KMT2D: variants seen among roughly 807,000 people sequenced by gnomAD.
The protein encoded by KMT2D is histone-lysine N-methyltransferase 2D.
Under a neutral mutation model 512.7 loss-of-function variants are expected in KMT2D, and 55 were observed. The ratio of observed to expected loss-of-function variants is 0.11; its 90% CI spans 0.09 to 0.13. The LOEUF (loss-of-function observed/expected upper bound fraction) is 0.13, where lower values mean the gene tolerates loss of function less well. Among genes scored for constraint, KMT2D ranks in the 10% least tolerant of loss-of-function variants. The pLI is 1.00. For synonymous variants in KMT2D, 2,995 were observed against 2,904.0 expected (o/e 1.03, Z -1.01); for missense variants, 6,061 against 7,127.9 (o/e 0.85, Z 5.39).
chr12:49,029,677 GTTTT>G (rs33963995), intron 43 of KMT2D, among the ~76,000 whole-genome samples: 3 of 132,098 alleles, frequency 2.3e-5, no homozygotes, highest in East Asian at 2.2e-4. Flanking sequence ...TGTTTTTTTT[GTTTT>G]TTTTTTTTTT....
At chr12:49,023,944 GAAGT>G in intron 51 of KMT2D, 2 of 400,342 alleles carry the variant, frequency 5.0e-6, no homozygotes, top group South Asian at 3.6e-5. Context: ...CTGCAGTGAA[GAAGT>G]AAGGGTCTGG....
rs777207269 is a variant in KMT2D, at chr12:49,051,619, G to A, written c.2064C>T (p.Arg688=). 3.8e-6 allele frequency: 6 copies of A among 1,577,382 alleles called. No individual in the cohort carries two copies. In the African/African-American group the frequency reaches 8.2e-5, roughly 21 times the overall value. ...SPTSPPPEAS[R]LSPPPEDSPT... is the part of the protein sequence containing the mutation. ...GGGAGTCCTCAGGTGGTGGGGAGAGGCGTGAAGCCTCAGGTGGAGGGGACG... is the reference window on the plus strand; with the variant it reads ...GGGAGTCCTCAGGTGGTGGGGAGAGACGTGAAGCCTCAGGTGGAGGGGACG... The change falls in exon 11 of 55, where the codon CGC becomes CGT. Residue 688 remains arginine, a synonymous_variant. Coordinates refer to ENST00000301067, the MANE Select transcript of KMT2D (RefSeq NM_003482.4).
rs1296409905 is a variant in KMT2D, at chr12:49,024,959, G to T, written c.15785-13C>A. On this transcript the variant is annotated splice_polypyrimidine_tract_variant and intron_variant, in intron 49 of 54. Transcript: ENST00000301067. This position sits in a 1 kb window ranked among gnomAD's most constrained non-coding sequence, Gnocchi z 4.5. ...CGATTCCACACGGCTAAGAAGCAGGGAAGAGAGCAGTCCTCAGAGGCAACT... is the reference window on the plus strand; with the variant it reads ...CGATTCCACACGGCTAAGAAGCAGGTAAGAGAGCAGTCCTCAGAGGCAACT... The T allele has an allele frequency of 1.3e-6, 2 of 1,582,904 alleles. No homozygotes were observed. Among genetic ancestry groups the T allele is most frequent in the Non-Finnish European group, 1.7e-6 (2 of 1,164,414 alleles).
chr12:49,027,063 GGGGGCCGGGCAC>G lies in KMT2D; in HGVS notation c.14891_14902del (p.Arg4964_Pro4967del). On this transcript the variant is annotated inframe_deletion, in exon 49 of 55. Coordinates refer to ENST00000301067, the MANE Select transcript of KMT2D (RefSeq NM_003482.4). ...AGGACGGGAATCTTCACCTTCTTCA[GGGGGCCGGGCAC>G]GGGGCTTGGGTCGGGCTGATTCAGG... 1.9e-6 allele frequency: 3 copies of G among 1,613,754 alleles called. No homozygotes were observed. The highest frequency in any genetic ancestry group is 2.5e-6 in the Non-Finnish European group (3 of 1,179,732).
At position 49,030,441 on chromosome 12, in the gene KMT2D, TGAGGGGTGGGGG is replaced by T; in HGVS notation, c.13840-14_13840-3del. On this transcript the variant is annotated splice_polypyrimidine_tract_variant and splice_region_variant and intron_variant, in intron 42 of 54. Transcript: ENST00000301067. ...TGTCGGCGGGTTACTCAGGTTATTC[TGAGGGGTGGGGG>T]GTGGGGTGTTGTGTGCAAGATGGCA... is the stretch of plus-strand genomic sequence containing the variant. 4 of 645,958 alleles carry T rather than the reference TGAGGGGTGGGGG, an allele frequency of 6.2e-6. No individual in the cohort carries two copies. Among genetic ancestry groups the T allele is most frequent in the Non-Finnish European group, 8.5e-6 (4 of 470,124 alleles). 40.0% of individuals were successfully genotyped at this position (645,958 alleles called of 1,614,324 possible).
In KMT2D at chr12:49,041,777, T is replaced by C; in HGVS notation, c.6184-72A>G. On this transcript the variant is annotated intron_variant, in intron 30 of 54. Coordinates refer to ENST00000301067, the MANE Select transcript of KMT2D (RefSeq NM_003482.4). This position sits in a 1 kb window ranked among gnomAD's most constrained non-coding sequence, Gnocchi z 5.4. ...GCCCCGCCCCCATACTGTAGTGTTT[T>C]CACACTCCCTACCCAGAAGCAGATC... 1 of 1,544,982 alleles carries C rather than the reference T, an allele frequency of 6.5e-7. No individual in the cohort carries two copies. Among genetic ancestry groups the C allele is most frequent in the East Asian group, 2.4e-5 (1 of 41,966 alleles).
At position 49,051,714 on chromosome 12, in the gene KMT2D, G is replaced by T; in HGVS notation, c.1969C>A (p.Pro657Thr). The T allele has an allele frequency of 6.5e-7, 1 of 1,543,872 alleles. No individual in the cohort carries two copies. The highest frequency in any genetic ancestry group is 8.8e-7 in the Non-Finnish European group (1 of 1,136,290). ...PPEVSRLSPL[P>T]VVSRLSPPPE... ...GGTGGAGACAGGCGTGACACCACAGGCAGGGGGGATAGGCGCGATACCTCA... is the reference window on the plus strand; with the variant it reads ...GGTGGAGACAGGCGTGACACCACAGTCAGGGGGGATAGGCGCGATACCTCA... The change falls in exon 11 of 55, where the codon CCT becomes ACT. Residue 657 changes from proline to threonine, a missense_variant. By Grantham distance (38) the Pro-to-Thr change is conservative. Transcript: ENST00000301067.
rs2120666800 is a variant in KMT2D at position 49,051,265 on chromosome 12, C to T, written c.2418G>A (p.Leu806=). Residue 806 remains leucine, a synonymous_variant, in exon 11 of 55, where the codon CTG becomes CTA. Transcript: ENST00000301067. ...GGTGCGGCTCCTCAGTCTGGGGGGA[C>T]AGGTGCAATTCCTCAGGCTGAGGGG... ...HLSPQPEELH[L]SPQTEEPHLS... The T allele has an allele frequency of 6.5e-7, 1 of 1,540,724 alleles. No homozygotes were observed.
At position 49,050,126 on chromosome 12, in the gene KMT2D, G is replaced by A. The variant is rs1403907718; in HGVS notation, c.3462C>T (p.Leu1154=). The A allele has an allele frequency of 1.9e-6, 3 of 1,613,378 alleles. No homozygotes were observed. The highest frequency in any genetic ancestry group is 2.5e-6 in the Non-Finnish European group (3 of 1,179,738). ...LASELKGSPV[L]LDPEELAPVT... ...CAGGGGCCAGCTCCTCGGGGTCCAG[G>A]AGCACAGGGGAGCCTTTAAGTTCAC... is the stretch of plus-strand genomic sequence containing the variant. Residue 1154 remains leucine (L), a synonymous_variant, in exon 12 of 55, where the codon CTC becomes CTT. Coordinates refer to ENST00000301067, the MANE Select transcript of KMT2D (RefSeq NM_003482.4).
At position 49,055,858 on chromosome 12, in the gene KMT2D, A is replaced by T. The variant is rs558189975; in HGVS notation, c.-37-497T>A. ...CCAGAGGCAGAGTCTGAGGCACTGCAAGAGATGTAACACACTACTGGAACT... is the reference window on the plus strand; with the variant it reads ...CCAGAGGCAGAGTCTGAGGCACTGCTAGAGATGTAACACACTACTGGAACT... On this transcript the variant is annotated intron_variant, in intron 1 of 54. Transcript: ENST00000301067. Among the ~76,000 whole-genome samples the T allele has an allele frequency of 5.3e-4, 80 of 152,332 alleles. 1 individual carries two copies. The highest frequency in any genetic ancestry group is 6.2e-4 in the South Asian group (3 of 4,830).
rs533209821 is a variant in KMT2D, at chr12:49,056,243, C to A, written c.-37-882G>T. Among the ~76,000 whole-genome samples the A allele has an allele frequency of 1.6e-4, 24 of 152,312 alleles. No homozygotes were observed. In the South Asian group the frequency reaches 1.9e-3, roughly 12 times the overall value. ...CTAAACAGGGCAGGACATAGCACAG[C>A]ACAGCGGAGTAGCTTCCTTCCTCTT... On this transcript the variant is annotated intron_variant, in intron 1 of 54. Coordinates refer to ENST00000301067, the MANE Select transcript of KMT2D (RefSeq NM_003482.4).
Position 49,051,626 on chromosome 12 carries a change from GCCTCAGGTGGAGGGGACGTGGGAGACT to G in KMT2D, c.2030_2056del (p.Glu677_Glu685del). On this transcript the variant is annotated inframe_deletion, in exon 11 of 55. Transcript: ENST00000301067. ...CTCAGGTGGTGGGGAGAGGCGTGAA[GCCTCAGGTGGAGGGGACGTGGGAGACT>G]CCTCAGGCGGTGGGGACAAGGGAGA... 1 of 1,570,416 alleles carries G rather than the reference GCCTCAGGTGGAGGGGACGTGGGAGACT, an allele frequency of 6.4e-7. No homozygotes were observed.
chr12:49,023,123 G>A (rs1223890047), intron 51 of KMT2D, among the ~76,000 whole-genome samples: 1 of 152,020 alleles, frequency 6.6e-6, no homozygotes, highest in Non-Finnish European at 1.5e-5. Context: ...TGAGGGGTGG[G>A]GTGTGGAGGG....
In KMT2D at chr12:49,051,852, G is replaced by A. The variant is rs1304802509; in HGVS notation, c.1831C>T (p.Pro611Ser). ...PPFEESPLSP[P>S]PEESPLSPPP... ...GGGGAAAGGGGAGACTCCTCAGGTG[G>A]AGGGGACAGAGGAGACTCTTCAAAT... The change falls in exon 11 of 55, where the codon CCA (proline) becomes TCA (serine). Residue 611 changes from proline (P) to serine (S), a missense_variant. This residue lies in a region of KMT2D where 848 missense variants were observed against 838.5 expected (regional missense o/e 1.01). Coordinates refer to ENST00000301067, the MANE Select transcript of KMT2D (RefSeq NM_003482.4). The A allele has an allele frequency of 1.2e-6, 2 of 1,612,878 alleles. No homozygotes were observed. The highest frequency in any genetic ancestry group is 1.7e-4 in the Middle Eastern group (1 of 6,056).
rs770123097 is a variant in KMT2D, at chr12:49,027,201, G to A, written c.14765C>T (p.Ala4922Val). 12 of 1,511,660 alleles carry A rather than the reference G, an allele frequency of 7.9e-6. No homozygotes were observed. In the South Asian group the frequency reaches 1.2e-4, roughly 15 times the overall value. 93.6% of individuals were successfully genotyped at this position (1,511,660 alleles called of 1,614,324 possible). ...AGTAGGGGGACTGGCAGGAGAAGGT[G>A]CCAAGGGGGAAGGGGGCGGGGAGGG... ...EEPSPPPSPL[A>V]PSPASPPTEP... The change falls in exon 49 of 55, where the codon GCA becomes GTA. Residue 4922 changes from alanine (A) to valine (V), a missense_variant. Ala to Val is a moderately conservative substitution (Grantham distance 64). This residue lies in a region of KMT2D where 1,600 missense variants were observed against 1,754.9 expected (regional missense o/e 0.91). Transcript: ENST00000301067.
intron 19 of KMT2D, 95 bp from the exon 20 acceptor site, chr12:49,045,060 C>G: frequency 8.0e-7 from 1 of 1,247,422 alleles, no homozygotes; most frequent in South Asian, 1.3e-5. Flanking sequence ...GAGACAAAGG[C>G]AGTGACAAAA....
Position 49,031,009 on chromosome 12 carries a change from T to TCAAAGGCTTCCTTGC in KMT2D, c.13540_13554dup (p.Ala4514_Leu4518dup). ...TTCTGTACCCGCTTGGGCTTCGGTG[T>TCAAAGGCTTCCTTGC]CAAAGGCTTCCTTGCTGCTGCATCC... is the stretch of plus-strand genomic sequence containing the variant. On this transcript the variant is annotated inframe_insertion, in exon 41 of 55. Coordinates refer to ENST00000301067, the MANE Select transcript of KMT2D (RefSeq NM_003482.4). 1 of 1,613,890 alleles carries TCAAAGGCTTCCTTGC rather than the reference T, an allele frequency of 6.2e-7. No homozygotes were observed. Among genetic ancestry groups the TCAAAGGCTTCCTTGC allele is most frequent in the Non-Finnish European group, 8.5e-7 (1 of 1,179,868 alleles).
intron 47 of KMT2D, 39 bp downstream of exon 47, chr12:49,027,970 C>G: frequency 6.2e-7 from 1 of 1,613,482 alleles, no homozygotes. Context: ...ACCAGAATCA[C>G]TCCCCTCAAG....
At chr12:49,030,496 TCTC>T in intron 42 of KMT2D, 57 bp from the exon 43 acceptor site, 1 of 1,401,554 alleles carries the variant, frequency 7.1e-7, no homozygotes, top group Non-Finnish European at 9.8e-7. Context: ...ACTGATATAA[TCTC>T]CTGGCCCCAC....
Sources: allele counts gnomAD v4.1 joint callset (sites outside exome capture counted in the v4.1 genomes callset), GRCh38; gene constraint gnomAD v4.1.1; regional missense constraint gnomAD v4.1.1; non-coding constraint Gnocchi (gnomAD v3.1); transcripts MANE v1.5; gene names NCBI Gene and HGNC (gene_info 2026-07-23, HGNC 2026-07-21).